The following ARSG variants were observed in gnomAD, a reference collection of about 807,000 sequenced individuals.
The protein encoded by ARSG is ASG.
A neutral mutation model predicts 50.5 loss-of-function variants in ARSG; 37 were observed. The ratio of observed to expected loss-of-function variants is 0.73; its 90% CI spans 0.56 to 0.96. ARSG has a LOEUF of 0.96. ARSG is among the 50% of genes least tolerant of loss of function. The pLI is 0.00. For synonymous variants in ARSG, 225 were observed against 254.6 expected, an observed-to-expected ratio of 0.88 and a Z score of 1.11; for missense variants, 629 against 675.3, an observed-to-expected ratio of 0.93 and a Z score of 0.76.
chr17:68,411,965 T>A lies in ARSG; in HGVS notation c.1304-8224T>A, dbSNP rs1600145866. ...AACCCCTGCCTTTTTTTGTTTTCCA[T>A]TTGCTTGGTAGATCTTCCTCCATCC... On this transcript the variant is annotated intron_variant, in intron 11 of 11. Transcript: ENST00000621439. Among the ~76,000 whole-genome samples, 8 of 152,136 alleles carry A rather than the reference T, an allele frequency of 5.3e-5. No individual in the cohort carries two copies. In the South Asian group the frequency reaches 1.0e-3, roughly 20 times the overall value.
At chr17:68,428,664 A>G in the ARSG span, 118 of 589,732 alleles carry the variant, frequency 2.0e-4, no homozygotes, top group Non-Finnish European at 3.4e-4. Flanking sequence ...AGGGCACCTG[A>G]CACAGAGCCC....
In ARSG at chr17:68,271,075, T is replaced by C. The variant is rs369989136; in HGVS notation, c.-552+11649T>C. ...AGTCAATAAGATGACGCAGATGAGC[T>C]CAATGTAAATCTTACGAATGGGCTC... On this transcript the variant is annotated intron_variant, in intron 1 of 11. Transcript: ENST00000448504. The surrounding 1 kb of genome is among the most constrained non-coding windows in gnomAD (Gnocchi z 5.3). The C allele has an allele frequency of 6.2e-7, 1 of 1,614,126 alleles. No homozygotes were observed. Among genetic ancestry groups the C allele is most frequent in the Non-Finnish European group, 8.5e-7 (1 of 1,180,018 alleles).
At chr17:68,370,550 G>A (rs1222099150) in intron 8 of ARSG, 26 bp downstream of exon 8, 20 of 1,607,026 alleles carry the variant, frequency 1.2e-5, no homozygotes, top group Non-Finnish European at 1.7e-6. Flanking sequence ...GGGGTTGGTG[G>A]ATCCCATTGC....
chr17:68,439,574 T>C, the ARSG span, among the ~76,000 whole-genome samples: 1 of 152,186 alleles, frequency 6.6e-6, no homozygotes, highest in Non-Finnish European at 1.5e-5. Context: ...TCCGTGAATA[T>C]ACCAAAAGCT....
chr17:68,423,938 G>A (rs777151714), downstream of ARSG, among the ~76,000 whole-genome samples: 1 of 152,126 alleles, frequency 6.6e-6, no homozygotes, highest in Non-Finnish European at 1.5e-5. The surrounding 1 kb of genome is among the most constrained non-coding windows in gnomAD (Gnocchi z 4.4). Context: ...TTAGTGAAAC[G>A]GAACCTAGTG....
chr17:68,332,940 G>A (rs115001266), intron 2 of ARSG, among the ~76,000 whole-genome samples: 48 of 152,332 alleles, frequency 3.2e-4, no homozygotes, highest in African/African-American at 1.1e-3. Flanking sequence ...GGCAACAGAA[G>A]CTTATGACTT....
At chr17:68,385,221 G>A (rs1183615648) in intron 9 of ARSG, 49 bp downstream of exon 9, 2 of 1,552,478 alleles carry the variant, frequency 1.3e-6, no homozygotes, top group Admixed American at 1.7e-5. Context: ...AGCAAGAAAA[G>A]TCATGGAGGC....
At chr17:68,330,067 G>C (rs2077662906) in intron 2 of ARSG, among the ~76,000 whole-genome samples, 1 of 152,074 alleles carries the variant, frequency 6.6e-6, no homozygotes, top group African/African-American at 2.4e-5. Context: ...AAAATTAGCT[G>C]GGTGTGGTGG....
chr17:68,286,879 G>C (rs2075854102), upstream of ARSG, among the ~76,000 whole-genome samples: 1 of 152,242 alleles, frequency 6.6e-6, no homozygotes, highest in Admixed American at 6.5e-5. Flanking sequence ...ACTGAGCTCG[G>C]AGAAAGTGTA....
chr17:68,261,536 T>C (rs2075070833), intron 1 of ARSG, among the ~76,000 whole-genome samples: 1 of 152,122 alleles, frequency 6.6e-6, no homozygotes, highest in South Asian at 2.1e-4. Context: ...TGTGCCACCA[T>C]GCCTGGCTAA....
In ARSG at chr17:68,385,488, C is replaced by T. The variant is rs1243635950; in HGVS notation, c.1091+316C>T. The stretch of plus-strand genomic sequence containing the variant: ...GACTATCCTGGTCAACATAGCAAGA[C>T]CCTATCTCTAAAAAGAAGGGAAGGG... On this transcript the variant is annotated intron_variant, in intron 9 of 11. Coordinates refer to ENST00000621439, the MANE Select transcript of ARSG (RefSeq NM_001267727.2). Among the ~76,000 whole-genome samples the T allele has an allele frequency of 2.0e-5, 3 of 147,106 alleles. No individual in the cohort carries two copies. The East Asian group carries it at 6.1e-4, about 30-fold the overall frequency.
At chr17:68,310,388 A>T (rs1231162003) in intron 2 of ARSG, among the ~76,000 whole-genome samples, 5 of 152,182 alleles carry the variant, frequency 3.3e-5, no homozygotes, top group African/African-American at 9.7e-5. Context: ...TCACTTATTT[A>T]TGAAAGGCGT....
At chr17:68,338,421 T>C (rs1042683436) in intron 2 of ARSG, among the ~76,000 whole-genome samples, 3 of 152,258 alleles carry the variant, frequency 2.0e-5, no homozygotes, top group Admixed American at 6.5e-5. Flanking sequence ...TGGGCGAGTC[T>C]CCCCTGCCCC....
At chr17:68,308,643 C>T (rs1249390774) in intron 2 of ARSG, among the ~76,000 whole-genome samples, 4 of 152,016 alleles carry the variant, frequency 2.6e-5, no homozygotes, top group South Asian at 2.1e-4. Context: ...ACTGCTGGCT[C>T]GGGCAGCCTG....
chr17:68,329,549 G>A (rs1251947926), intron 2 of ARSG, among the ~76,000 whole-genome samples: 2 of 152,198 alleles, frequency 1.3e-5, no homozygotes, highest in African/African-American at 2.4e-5. Context: ...CCCAGGGGCT[G>A]AGATGAGCAC....
chr17:68,406,224 T>C (rs2081710636), intron 11 of ARSG, among the ~76,000 whole-genome samples: 2 of 152,256 alleles, frequency 1.3e-5, no homozygotes, highest in African/African-American at 4.8e-5. Context: ...TGTTGATTCA[T>C]TCCTTTTTAT....
the ARSG span, among the ~76,000 whole-genome samples, chr17:68,449,058 T>G: frequency 6.6e-6 from 1 of 152,228 alleles, no homozygotes; most frequent in African/African-American, 2.4e-5. Flanking sequence ...CTCATAAATT[T>G]AAAAAGCATT....
At chr17:68,329,347 C>T (rs1048321488) in intron 2 of ARSG, among the ~76,000 whole-genome samples, 2 of 152,210 alleles carry the variant, frequency 1.3e-5, no homozygotes, top group African/African-American at 2.4e-5. Context: ...CCACCTTTCC[C>T]GTGTCATGTC....
intron 7 of ARSG, among the ~76,000 whole-genome samples, chr17:68,369,911 G>A (rs965004026): frequency 1.2e-4 from 18 of 152,218 alleles, no homozygotes; most frequent in African/African-American, 3.9e-4. Context: ...ATGGGACTGG[G>A]TTGGGGCAGG....
Sources: gnomAD v4.1 joint callset for allele counts (sites outside exome capture counted in the v4.1 genomes callset) on GRCh38, gnomAD v4.1.1 for gene constraint, Gnocchi (gnomAD v3.1) non-coding constraint, MANE v1.5 for transcripts, NCBI Gene and HGNC (gene_info 2026-07-23, HGNC 2026-07-21) for gene names.